PAX2: variants seen among roughly 807,000 people sequenced by gnomAD.
The protein encoded by PAX2 is paired box 2, also known as paired box protein Pax-2.
PAX2 carries 9 observed loss-of-function variants against 41.7 expected under a neutral mutation model. The observed-to-expected ratio is 0.22, with a 90% CI of 0.13 to 0.38. The LOEUF is 0.38. Among genes scored for constraint, PAX2 ranks in the 10% least tolerant of loss-of-function variants. PAX2 has a pLI of 1.00. For synonymous variants in PAX2, 221 were observed against 212.7 expected (o/e 1.04, Z -0.34); for missense variants, 418 against 531.6 (o/e 0.79, Z 2.10).
chr10:100,749,936 C>G, intron 2 of PAX2, 22 bp downstream of exon 2: 6 of 1,608,014 alleles, frequency 3.7e-6, no homozygotes, highest in Non-Finnish European at 5.1e-6. Context: ...GCAGCTGTCC[C>G]GGGAGACGCC....
intron 7 of PAX2, among the ~76,000 whole-genome samples, chr10:100,822,371 C>T (rs935962563): frequency 2.0e-5 from 3 of 151,904 alleles, no homozygotes; most frequent in Non-Finnish European, 4.4e-5. Flanking sequence ...TTTATCCAAG[C>T]CTTTACTTCT....
At position 100,827,590 on chromosome 10, in the gene PAX2, G is replaced by A. The variant is rs754477737; in HGVS notation, c.1156G>A (p.Ala386Thr). The change falls in exon 10 of 10, where the codon GCT becomes ACT. Residue 386 changes from alanine to threonine, a missense_variant. Physicochemically the swap from Ala to Thr is moderately conservative, Grantham distance 58 (BLOSUM62 0). Transcript: ENST00000355243. This position sits in a 1 kb window ranked among gnomAD's most constrained non-coding sequence, Gnocchi z 8.5. The part of the protein sequence containing the change: ...SAAPRGSAPA[A>T]AAAAYDRH ...CGCCCCCCGGGGCTCCGCCCCTGCCGCTGCTGCCGCTGCCTATGACCGCCA... is the reference window on the plus strand; with the variant it reads ...CGCCCCCCGGGGCTCCGCCCCTGCCACTGCTGCCGCTGCCTATGACCGCCA... The A allele has an allele frequency of 6.2e-7, 1 of 1,613,102 alleles. No individual in the cohort carries two copies.
At chr10:100,772,257 G>A (rs914530818) in intron 3 of PAX2, among the ~76,000 whole-genome samples, 2 of 151,638 alleles carry the variant, frequency 1.3e-5, no homozygotes, top group African/African-American at 2.4e-5. Context: ...GGGTTTGAGA[G>A]ATTCTCCCAC....
At chr10:100,758,813 C>T (rs1381908745) in intron 3 of PAX2, among the ~76,000 whole-genome samples, 2 of 152,262 alleles carry the variant, frequency 1.3e-5, no homozygotes, top group Non-Finnish European at 2.9e-5. Context: ...TATCTCTCTG[C>T]CTTAGACCAG....
intron 3 of PAX2, among the ~76,000 whole-genome samples, chr10:100,756,353 CA>C (rs1470151719): frequency 1.3e-5 from 2 of 152,206 alleles, no homozygotes; most frequent in Non-Finnish European, 2.9e-5. Context: ...AGTCTATCTT[CA>C]CCCCCTCCTT....
At chr10:100,784,824 G>A (rs1412624374) in intron 5 of PAX2, among the ~76,000 whole-genome samples, 1 of 152,192 alleles carries the variant, frequency 6.6e-6, no homozygotes, top group East Asian at 1.9e-4. Flanking sequence ...CAGTGACTGT[G>A]AGCCTGTTTG....
intron 5 of PAX2, among the ~76,000 whole-genome samples, chr10:100,799,090 T>A (rs1847445613): frequency 6.6e-6 from 1 of 152,206 alleles, no homozygotes; most frequent in Non-Finnish European, 1.5e-5. Flanking sequence ...GAGGCGGAAG[T>A]AATGTGTGGA....
chr10:100,809,544 C>A lies in PAX2; in HGVS notation c.919+308C>A, dbSNP rs576238779. On this transcript the variant is annotated intron_variant, in intron 7 of 9. Transcript: ENST00000355243. ...TTCCCTCTCCCAAGTTGCCCAGAAT[C>A]ATGAGCCTCTTGTTAGGATGTCTGC... 8.5e-5 allele frequency among the ~76,000 whole-genome samples: 13 copies of A among 152,350 alleles called. No individual in the cohort carries two copies. In the South Asian group the frequency reaches 2.7e-3, roughly 32 times the overall value.
intron 3 of PAX2, among the ~76,000 whole-genome samples, chr10:100,774,148 A>G (rs138348309): frequency 1.4e-4 from 22 of 152,312 alleles, no homozygotes; most frequent in Non-Finnish European, 1.3e-4. Flanking sequence ...GCTCTCTTAA[A>G]AGGTGGAGCG....
chr10:100,824,847 G>A lies in PAX2; in HGVS notation c.1021+98G>A. 1.9e-6 allele frequency: 3 copies of A among 1,541,584 alleles called. No individual in the cohort carries two copies. Among genetic ancestry groups the A allele is most frequent in the Non-Finnish European group, 2.7e-6 (3 of 1,113,912 alleles). ...GTAGTCTGAGGCTGGGGTGGGGGGA[G>A]ACACAACGTCCCCTCCCTGCAAACC... On this transcript the variant is annotated intron_variant, in intron 8 of 9. Coordinates refer to ENST00000355243, the MANE Select transcript of PAX2 (RefSeq NM_000278.5). This position sits in a 1 kb window ranked among gnomAD's most constrained non-coding sequence, Gnocchi z 6.6.
chr10:100,806,931 C>T (rs1040524364), intron 6 of PAX2, among the ~76,000 whole-genome samples: 11 of 152,210 alleles, frequency 7.2e-5, no homozygotes, highest in African/African-American at 2.4e-4. Context: ...CTTCTAGCTC[C>T]GCTTTTCTGT....
Position 100,746,123 on chromosome 10 carries a change from C to T in PAX2, c.-138C>T. 6.4e-7 allele frequency: 1 copy of T among 1,554,262 alleles called. No individual in the cohort carries two copies. The highest frequency in any genetic ancestry group is 8.7e-7 in the Non-Finnish European group (1 of 1,153,206). ...AGCGCAGTGCTGCGCCCCCCGCCCCCGCGCGCCCCGCAGCAGCCGGGCGTT... is the reference window on the plus strand; with the variant it reads ...AGCGCAGTGCTGCGCCCCCCGCCCCTGCGCGCCCCGCAGCAGCCGGGCGTT... On this transcript the variant is annotated 5_prime_UTR_variant, in exon 1 of 10. Transcript: ENST00000355243.
At chr10:100,782,439 G>A (rs947382463) in intron 5 of PAX2, among the ~76,000 whole-genome samples, 3 of 152,214 alleles carry the variant, frequency 2.0e-5, no homozygotes, top group African/African-American at 4.8e-5. Flanking sequence ...ACAAACCCTC[G>A]GTAGGGGAAG....
intron 7 of PAX2, among the ~76,000 whole-genome samples, chr10:100,822,274 A>G (rs1278602304): frequency 6.6e-6 from 1 of 152,202 alleles, no homozygotes; most frequent in Non-Finnish European, 1.5e-5. Context: ...TGAGTCCCTC[A>G]CTGTAAACCT....
Position 100,829,470 on chromosome 10 carries a change from T to A in PAX2, c.*1851T>A, listed in dbSNP as rs917795647. 1 of 206,900 alleles carries A rather than the reference T, an allele frequency of 4.8e-6. No homozygotes were observed. The highest frequency in any genetic ancestry group is 2.3e-5 in the African/African-American group (1 of 43,852). 12.8% of individuals were successfully genotyped at this position (206,900 alleles called of 1,614,324 possible). A position where few individuals can be genotyped will look rare whatever the true frequency, so the allele number is the denominator to read the frequency against. On this transcript the variant is annotated 3_prime_UTR_variant, in exon 10 of 10. Transcript: ENST00000355243. The stretch of plus-strand genomic sequence containing the variant: ...CGGGCCGCCCCGTCCCGCCCCGTAG[T>A]TGCTCTTTCGGTAGTGGCGATGCGC...
chr10:100,802,439 G>A (rs1847596896), intron 5 of PAX2, among the ~76,000 whole-genome samples: 1 of 152,214 alleles, frequency 6.6e-6, no homozygotes, highest in Non-Finnish European at 1.5e-5. Flanking sequence ...GCAGGATGGT[G>A]TTGCTGAGAG....
chr10:100,749,526 G>T, intron 1 of PAX2: 1 of 1,352,476 alleles, frequency 7.4e-7, no homozygotes, highest in Non-Finnish European at 9.5e-7. Context: ...CAAGGCCTGA[G>T]TCGCCCTCTC....
In PAX2 at chr10:100,824,963, G is replaced by A. The variant is rs752477097; in HGVS notation, c.1021+214G>A. The A allele has an allele frequency of 1.8e-5, 29 of 1,613,872 alleles. No individual in the cohort carries two copies. Among genetic ancestry groups the A allele is most frequent in the Non-Finnish European group, 2.5e-5 (29 of 1,179,970 alleles). On this transcript the variant is annotated intron_variant, in intron 8 of 9. Coordinates refer to ENST00000355243, the MANE Select transcript of PAX2 (RefSeq NM_000278.5). The surrounding 1 kb of genome is among the most constrained non-coding windows in gnomAD (Gnocchi z 6.6). ...AGCCGGGGAGGAAGCTTGCAGAAGTGCCCCCTTGTGTGCAACCCACTGTAT... is the reference window on the plus strand; with the variant it reads ...AGCCGGGGAGGAAGCTTGCAGAAGTACCCCCTTGTGTGCAACCCACTGTAT...
chr10:100,736,846 A>G (rs755832113), intron 1 of PAX2, among the ~76,000 whole-genome samples: 10 of 152,184 alleles, frequency 6.6e-5, no homozygotes, highest in Non-Finnish European at 4.4e-5. Context: ...GTAATGATCT[A>G]ATTAATTATG....
Sources: gnomAD v4.1 joint callset for allele counts (sites outside exome capture counted in the v4.1 genomes callset) on GRCh38, gnomAD v4.1.1 for gene constraint, Gnocchi (gnomAD v3.1) non-coding constraint, MANE v1.5 for transcripts, NCBI Gene and HGNC (gene_info 2026-07-23, HGNC 2026-07-21) for gene names.